The following OTC variants were observed in gnomAD, a reference collection of about 807,000 sequenced individuals.
OTC encodes the protein ornithine transcarbamylase, mitochondrial.
In OTC, 3 loss-of-function variants were observed where a neutral mutation model predicts 30.3. The ratio of observed to expected loss-of-function variants is 0.10; its 90% confidence interval spans 0.05 to 0.26. OTC has a LOEUF of 0.26. Ranked by LOEUF, OTC falls within the 10% of genes least tolerant of loss-of-function variation. The pLI is 1.00. For missense variants in OTC, 194 were observed against 260.3 expected (o/e 0.75, Z 1.75); for synonymous variants, 111 against 99.7 (o/e 1.11, Z -0.67).
In OTC at chrX:38,408,614, A is replaced by G; in HGVS notation, c.664-128A>G. ...ATTCTAGATGTAAAAATCATATTCTACTGAACATGGTGGGACCACATCTTG... is the reference window on the plus strand; with the variant it reads ...ATTCTAGATGTAAAAATCATATTCTGCTGAACATGGTGGGACCACATCTTG... On this transcript the variant is annotated intron_variant, in intron 6 of 9. Coordinates refer to ENST00000039007, the MANE Select transcript of OTC (RefSeq NM_000531.6). 4 of 487,827 alleles carry G rather than the reference A, an allele frequency of 8.2e-6. No individual in the cohort carries two copies. In the South Asian group the frequency reaches 1.3e-4, roughly 16 times the overall value. 40.2% of individuals were successfully genotyped at this position (487,827 alleles called of 1,213,427 possible).
upstream of OTC, among the ~76,000 whole-genome samples, chrX:38,349,951 C>T (rs1473650388): frequency 8.9e-6 from 1 of 111,873 alleles, no homozygotes; most frequent in Admixed American, 9.5e-5. Context: ...ACCCTACACA[C>T]TCTATTTGTT....
intron 1 of OTC, among the ~76,000 whole-genome samples, chrX:38,359,522 T>C (rs1222143132): frequency 9.1e-6 from 1 of 109,559 alleles, no homozygotes. Context: ...CAGGTTCAAG[T>C]GATTCTCCTG....
chrX:38,369,698 G>T (rs2068314353), intron 2 of OTC, 98 bp from the exon 3 acceptor site: 2 of 410,339 alleles, frequency 4.9e-6, no homozygotes. Flanking sequence ...ACACTTATTT[G>T]GGGGTAGTTA....
At chrX:38,399,957 A>C (rs1026820595) in intron 4 of OTC, among the ~76,000 whole-genome samples, 2 of 111,525 alleles carry the variant, frequency 1.8e-5, no homozygotes, top group Admixed American at 9.6e-5. Flanking sequence ...TGGTGTGGAG[A>C]AGCTTCCATC....
chrX:38,402,487 A>G (rs2068494570), intron 5 of OTC, among the ~76,000 whole-genome samples: 1 of 112,396 alleles, frequency 8.9e-6, no homozygotes, highest in South Asian at 3.7e-4. Flanking sequence ...AGCTTAGCCA[A>G]CTAGTAGTTC....
intron 9 of OTC, among the ~76,000 whole-genome samples, chrX:38,412,543 C>T (rs749984181): frequency 8.9e-6 from 1 of 112,174 alleles, no homozygotes; most frequent in Admixed American, 9.5e-5. Context: ...TGGTTCCTTT[C>T]AGATAAAGCC....
At chrX:38,348,893 T>C (rs1402309257), upstream of OTC, among the ~76,000 whole-genome samples, 1 of 111,867 alleles carries the variant, frequency 8.9e-6, no homozygotes, top group Non-Finnish European at 1.9e-5. Flanking sequence ...GCTTTTGTTT[T>C]GAAGAGCTAG....
intron 4 of OTC, among the ~76,000 whole-genome samples, chrX:38,398,497 G>A (rs1250351316): frequency 3.6e-5 from 4 of 111,842 alleles, no homozygotes; most frequent in African/African-American, 9.8e-5. Context: ...CAACTGCAGT[G>A]TTAATCCAGA....
intron 6 of OTC, among the ~76,000 whole-genome samples, chrX:38,407,318 G>A (rs2068519978): frequency 8.9e-6 from 1 of 112,428 alleles, no homozygotes; most frequent in South Asian, 3.7e-4. Flanking sequence ...CCCAAAGGGG[G>A]CTGACAGCTG....
rs913634791 is a variant in OTC, at chrX:38,405,402, T to C, written c.663+1662T>C. Among the ~76,000 whole-genome samples, 3 of 111,593 alleles carry C rather than the reference T, an allele frequency of 2.7e-5. No homozygotes were observed. In the Admixed American group the frequency reaches 2.9e-4, roughly 11 times the overall value. On this transcript the variant is annotated intron_variant, in intron 6 of 9. Coordinates refer to ENST00000039007, the MANE Select transcript of OTC (RefSeq NM_000531.6). ...CTCAGGGAGGATCCTTTTTTGCCTC[T>C]TCCTGCTTCTGGTAGCCCCAGGCAT... is the stretch of plus-strand genomic sequence containing the variant.
chrX:38,335,545 G>A, the OTC span, among the ~76,000 whole-genome samples: 1 of 112,601 alleles, frequency 8.9e-6, no homozygotes, highest in Non-Finnish European at 1.9e-5. Context: ...ATATGGCACA[G>A]CTGTGTCTCT....
the OTC span, among the ~76,000 whole-genome samples, chrX:38,331,888 A>G: frequency 1.8e-5 from 2 of 111,140 alleles, no homozygotes; most frequent in Non-Finnish European, 3.8e-5. Context: ...GGCCATCTAT[A>G]CTATTGATAT....
At chrX:38,330,989 A>G in the OTC span, among the ~76,000 whole-genome samples, 1 of 111,874 alleles carries the variant, frequency 8.9e-6, no homozygotes, top group African/African-American at 3.3e-5. Context: ...CTAAAATGCA[A>G]GTTCTATGAG....
intron 3 of OTC, among the ~76,000 whole-genome samples, chrX:38,370,514 T>C (rs1408847644): frequency 1.8e-5 from 2 of 111,545 alleles, no homozygotes; most frequent in African/African-American, 6.5e-5. Context: ...TTCACTCTCA[T>C]TGAAAGAACT....
At chrX:38,372,618 C>G (rs184263485) in intron 3 of OTC, among the ~76,000 whole-genome samples, 2 of 112,211 alleles carry the variant, frequency 1.8e-5, no homozygotes, top group Admixed American at 9.4e-5. Context: ...ACTGTTAAAA[C>G]TTATAGTTCA....
intron 4 of OTC, among the ~76,000 whole-genome samples, chrX:38,386,597 C>G (rs188456638): frequency 2.9e-4 from 32 of 110,861 alleles, no homozygotes; most frequent in Admixed American, 2.8e-3. Context: ...GCATAATGTT[C>G]TCCGCGTTCG....
chrX:38,340,492 A>T, the OTC span, among the ~76,000 whole-genome samples: 1 of 78,604 alleles, frequency 1.3e-5, no homozygotes, highest in African/African-American at 4.9e-5. Context: ...TTTTTTTGCA[A>T]ACAAGATCAA....
At chrX:38,362,316 A>G (rs2068276066) in intron 1 of OTC, among the ~76,000 whole-genome samples, 1 of 111,554 alleles carries the variant, frequency 9.0e-6, no homozygotes, top group Non-Finnish European at 1.9e-5. Context: ...AACAGCAAAC[A>G]AAAACACAAA....
intron 6 of OTC, among the ~76,000 whole-genome samples, chrX:38,404,885 C>T (rs945565848): frequency 4.5e-5 from 5 of 111,640 alleles, no homozygotes; most frequent in African/African-American, 1.6e-4. Flanking sequence ...ACCCTAGTCC[C>T]ATGTCGTGCA....
Sources: allele counts gnomAD v4.1 joint callset (sites outside exome capture counted in the v4.1 genomes callset), GRCh38; gene constraint gnomAD v4.1.1; transcripts MANE v1.5; gene names NCBI Gene and HGNC (gene_info 2026-07-23, HGNC 2026-07-21).